The following SLC24A2 variants were observed in gnomAD, a reference collection of about 807,000 sequenced individuals.
The protein encoded by SLC24A2 is solute carrier family 24 member 2.
Under a neutral mutation model 62.0 loss-of-function variants are expected in SLC24A2, and 36 were observed. The observed-to-expected ratio is 0.58, with a 90% CI of 0.44 to 0.77. The LOEUF is 0.77. Ranked by LOEUF, SLC24A2 falls within the 30% of genes least tolerant of loss-of-function variation. The pLI is 0.00. For synonymous variants in SLC24A2, 358 were observed against 294.0 expected, an observed-to-expected ratio of 1.22 and a Z score of -2.23; for missense variants, 846 against 817.9, an observed-to-expected ratio of 1.03 and a Z score of -0.42.
At chr9:20,243,321 A>G in the SLC24A2 span, among the ~76,000 whole-genome samples, 1 of 152,222 alleles carries the variant, frequency 6.6e-6, no homozygotes, top group South Asian at 2.1e-4. Flanking sequence ...AGAAAAACAC[A>G]TAAGCAGAAT....
the SLC24A2 span, among the ~76,000 whole-genome samples, chr9:20,050,875 A>G: frequency 6.6e-6 from 1 of 152,352 alleles, no homozygotes; most frequent in East Asian, 1.9e-4. Flanking sequence ...AAGGCAGAGA[A>G]CAACCTGAAC....
the SLC24A2 span, among the ~76,000 whole-genome samples, chr9:19,994,131 G>C: frequency 3.3e-5 from 5 of 152,134 alleles, no homozygotes; most frequent in Non-Finnish European, 5.9e-5. Flanking sequence ...ATTGCAACAG[G>C]CTGCTGCACC....
chr9:19,971,185 C>G, the SLC24A2 span, among the ~76,000 whole-genome samples: 1 of 152,192 alleles, frequency 6.6e-6, no homozygotes, highest in Admixed American at 6.5e-5. Flanking sequence ...CTAGCTGAAA[C>G]TATCCTAGGT....
At chr9:19,576,364 G>A (rs11790824) in intron 6 of SLC24A2, among the ~76,000 whole-genome samples, 16,443 of 152,186 alleles carry the variant, frequency 0.11, 915 homozygotes, top group African/African-American at 0.14. Context: ...CAGGAGCTCT[G>A]CAAAAGTCAG....
the SLC24A2 span, among the ~76,000 whole-genome samples, chr9:20,102,880 G>A: frequency 6.6e-6 from 1 of 151,956 alleles, no homozygotes; most frequent in Non-Finnish European, 1.5e-5. Flanking sequence ...TGCGCCAGCA[G>A]AAGCAGAGCA....
At chr9:20,180,950 G>A in the SLC24A2 span, among the ~76,000 whole-genome samples, 2 of 152,114 alleles carry the variant, frequency 1.3e-5, no homozygotes, top group Admixed American at 1.3e-4. Flanking sequence ...TTCTGACACT[G>A]ACACCTTCTT....
chr9:19,713,373 A>G (rs543702269), intron 2 of SLC24A2, among the ~76,000 whole-genome samples: 5 of 152,348 alleles, frequency 3.3e-5, no homozygotes, highest in African/African-American at 1.2e-4. Context: ...TATAACAATG[A>G]TAAGGCTTTA....
chr9:19,545,044 C>T (rs977284224), intron 8 of SLC24A2, among the ~76,000 whole-genome samples: 2 of 152,102 alleles, frequency 1.3e-5, no homozygotes, highest in African/African-American at 2.4e-5. Flanking sequence ...TCCATTCTCT[C>T]CATCACTTTC....
At chr9:20,056,012 T>C in the SLC24A2 span, among the ~76,000 whole-genome samples, 2 of 152,212 alleles carry the variant, frequency 1.3e-5, no homozygotes, top group Admixed American at 1.3e-4. Flanking sequence ...TTTAAAAATT[T>C]AGAAATTGAA....
chr9:19,642,061 G>T (rs1042322880), intron 2 of SLC24A2, among the ~76,000 whole-genome samples: 1 of 152,120 alleles, frequency 6.6e-6, no homozygotes, highest in African/African-American at 2.4e-5. Context: ...GAGGGGAAGT[G>T]TGTGTGAGTA....
the SLC24A2 span, among the ~76,000 whole-genome samples, chr9:20,223,952 AC>A: frequency 0.11 from 16,801 of 152,110 alleles, 1,072 homozygotes; most frequent in Middle Eastern, 0.15. Flanking sequence ...GGAAGCAAGT[AC>A]CTTCTTCACG....
chr9:19,655,346 T>C (rs1291101366), intron 2 of SLC24A2, among the ~76,000 whole-genome samples: 1 of 152,224 alleles, frequency 6.6e-6, no homozygotes, highest in African/African-American at 2.4e-5. Context: ...TACCACAAGC[T>C]GATCCATTCG....
At chr9:20,092,464 G>C in the SLC24A2 span, among the ~76,000 whole-genome samples, 3 of 151,844 alleles carry the variant, frequency 2.0e-5, no homozygotes, top group East Asian at 3.9e-4. Flanking sequence ...TTTTTTTTAA[G>C]CTCATCAGCT....
At chr9:19,749,684 A>G (rs1489800529) in intron 2 of SLC24A2, among the ~76,000 whole-genome samples, 2 of 152,218 alleles carry the variant, frequency 1.3e-5, no homozygotes, top group Non-Finnish European at 2.9e-5. Context: ...GTATGTCCCA[A>G]ATATTGCATG....
rs572126029 is a variant in SLC24A2, at chr9:19,555,345, T to C, written c.1348-5077A>G. Among the ~76,000 whole-genome samples the C allele has an allele frequency of 6.6e-5, 10 of 152,294 alleles. No homozygotes were observed. In the South Asian group the frequency reaches 2.1e-3, roughly 32 times the overall value. On this transcript the variant is annotated intron_variant, in intron 7 of 10. Transcript: ENST00000341998. ...CTGAGAAACTGAAAAATCTTAGAAA[T>C]ACTATGAGTCATGTAATCGATAAGA...
intron 2 of SLC24A2, among the ~76,000 whole-genome samples, chr9:19,718,461 T>A (rs1371321162): frequency 1.1e-4 from 1 of 9,158 alleles, no homozygotes; most frequent in South Asian, 5.5e-3. Flanking sequence ...CCTGGCTATT[T>A]TTTTTTTTTT....
At chr9:19,872,924 C>T in the SLC24A2 span, among the ~76,000 whole-genome samples, 3 of 152,266 alleles carry the variant, frequency 2.0e-5, no homozygotes, top group Admixed American at 2.0e-4. Flanking sequence ...AGATTAGCTC[C>T]TTAAATCCCT....
the SLC24A2 span, among the ~76,000 whole-genome samples, chr9:20,274,121 G>T: frequency 3.3e-5 from 5 of 152,186 alleles, no homozygotes; most frequent in African/African-American, 1.2e-4. Flanking sequence ...ATAAGCCAAA[G>T]TTCCTTCTCT....
chr9:19,556,361 T>G (rs1437089633), intron 7 of SLC24A2, among the ~76,000 whole-genome samples: 1 of 152,196 alleles, frequency 6.6e-6, no homozygotes, highest in Non-Finnish European at 1.5e-5. Context: ...AAATATTTCT[T>G]GGAGGCAACC....
Sources: gnomAD v4.1 joint callset for allele counts (sites outside exome capture counted in the v4.1 genomes callset) on GRCh38, gnomAD v4.1.1 for gene constraint, MANE v1.5 for transcripts, NCBI Gene and HGNC (gene_info 2026-07-23, HGNC 2026-07-21) for gene names.